Variants in EFCAB13 observed in about 807,000 individuals in gnomAD.
EFCAB13 encodes the protein EF-hand calcium binding domain 13.
EFCAB13 carries 91 observed loss-of-function variants against 110.2 expected under a neutral mutation model. The observed-to-expected ratio is 0.83, with a 90% CI of 0.70 to 0.98. The LOEUF is 0.98. Among genes scored for constraint, EFCAB13 ranks in the 50% least tolerant of loss-of-function variants. The pLI is 0.00. For synonymous variants in EFCAB13, 323 were observed against 369.9 expected (o/e 0.87, Z 1.45); for missense variants, 968 against 1,119.4 (o/e 0.86, Z 1.93).
At chr17:47,370,822 A>G (rs1598737665) in intron 11 of EFCAB13, among the ~76,000 whole-genome samples, 1 of 149,254 alleles carries the variant, frequency 6.7e-6, no homozygotes, top group Non-Finnish European at 1.5e-5. Flanking sequence ...GCTCACTGCA[A>G]CCTCTGCCTC....
chr17:47,409,500 G>C, intron 20 of EFCAB13, 147 bp from the exon 21 acceptor site: 1 of 647,998 alleles, frequency 1.5e-6, no homozygotes. Flanking sequence ...GGGAGCCAGG[G>C]AACAACTTTT....
chr17:47,419,772 G>A (rs969829527), intron 23 of EFCAB13, among the ~76,000 whole-genome samples: 1 of 152,112 alleles, frequency 6.6e-6, no homozygotes, highest in African/African-American at 2.4e-5. Context: ...GAATGCCAGA[G>A]ATAATGGAAT....
chr17:47,417,481 A>G (rs1278129272), intron 23 of EFCAB13, among the ~76,000 whole-genome samples: 2 of 152,188 alleles, frequency 1.3e-5, no homozygotes, highest in African/African-American at 2.4e-5. Flanking sequence ...GTCATGAATA[A>G]TTGGAACTCT....
rs1331356013 is a variant in EFCAB13, at chr17:47,332,204, C to T, written c.31-2992C>T. ...CCATCAGCAATGATGAGAGTTCTTG[C>T]TTCACATCCTTGCCAGCATTTGTTG... On this transcript the variant is annotated intron_variant, in intron 4 of 24. Transcript: ENST00000331493. 2.0e-5 allele frequency among the ~76,000 whole-genome samples: 3 copies of T among 152,208 alleles called. No individual in the cohort carries two copies. The East Asian group carries it at 5.8e-4, about 29-fold the overall frequency.
In EFCAB13 at chr17:47,434,774, A is replaced by C. The variant is rs568374686; in HGVS notation, c.2638+4813A>C. The stretch of plus-strand genomic sequence containing the variant: ...AACTGATCTTCGACAAAACAAACAA[A>C]AGCATGAAGTAGAGAAAGGACATCC... On this transcript the variant is annotated intron_variant, in intron 24 of 24. Coordinates refer to ENST00000331493, the MANE Select transcript of EFCAB13 (RefSeq NM_152347.5). 3.3e-5 allele frequency among the ~76,000 whole-genome samples: 5 copies of C among 152,264 alleles called. No homozygotes were observed. In the South Asian group the frequency reaches 1.0e-3, roughly 32 times the overall value.
chr17:47,375,237 C>T (rs1401668340), intron 12 of EFCAB13, among the ~76,000 whole-genome samples: 2 of 152,072 alleles, frequency 1.3e-5, no homozygotes, highest in Non-Finnish European at 2.9e-5. Context: ...TGGAAATGTA[C>T]AGTAGTGATG....
At chr17:47,327,600 G>A (rs867038105) in intron 3 of EFCAB13, among the ~76,000 whole-genome samples, 3 of 152,140 alleles carry the variant, frequency 2.0e-5, no homozygotes, top group Admixed American at 6.5e-5. Context: ...GATTATAGGC[G>A]CATGCCACCA....
intron 24 of EFCAB13, 190 bp downstream of exon 24, chr17:47,430,151 A>C: frequency 8.2e-7 from 1 of 1,223,308 alleles, no homozygotes; most frequent in Non-Finnish European, 1.0e-6. Context: ...TGGGGAAGTC[A>C]GAGCTCATCT....
chr17:47,330,297 A>G (rs780602215), intron 4 of EFCAB13, among the ~76,000 whole-genome samples: 78 of 151,556 alleles, frequency 5.1e-4, no homozygotes, highest in Non-Finnish European at 8.5e-4. Flanking sequence ...GTAGAGAAAG[A>G]TATTTATTTA....
chr17:47,404,167 GA>G (rs1184903960), intron 19 of EFCAB13, 146 bp downstream of exon 19: 1 of 685,060 alleles, frequency 1.5e-6, no homozygotes, highest in Non-Finnish European at 2.3e-6. Context: ...GCAGTTATGA[GA>G]ATACTTCTAT....
intron 14 of EFCAB13, among the ~76,000 whole-genome samples, chr17:47,391,119 T>G (rs1386968291): frequency 6.6e-6 from 1 of 152,108 alleles, no homozygotes; most frequent in Non-Finnish European, 1.5e-5. Flanking sequence ...TTTTATTTTT[T>G]TGTGGAGACA....
In EFCAB13 at chr17:47,358,925, A is replaced by G. The variant is rs996816454; in HGVS notation, c.662-2453A>G. On this transcript the variant is annotated intron_variant, in intron 9 of 24. Coordinates refer to ENST00000331493, the MANE Select transcript of EFCAB13 (RefSeq NM_152347.5). Reference sequence around the variant, plus strand: ...AGCTGCAAGCCTTTGGCTTATTTTCAGAGTTTTGAAACAAGTTGGTTCTGA... The same window carrying G: ...AGCTGCAAGCCTTTGGCTTATTTTCGGAGTTTTGAAACAAGTTGGTTCTGA... 3.3e-5 allele frequency among the ~76,000 whole-genome samples: 5 copies of G among 152,204 alleles called. No individual in the cohort carries two copies. The East Asian group carries it at 9.6e-4, about 29-fold the overall frequency.
Position 47,440,962 on chromosome 17 carries a change from G to T in EFCAB13, c.*248G>T. 3.6e-6 allele frequency: 1 copy of T among 278,402 alleles called. No homozygotes were observed. The allele number at this position is 278,402 out of a possible 1,614,324, so 17.2% of individuals were successfully genotyped here. The stretch of plus-strand genomic sequence containing the variant: ...ACTCTTTTTAGGTATACAGTTCTTT[G>T]GATTCTTAAAAATAATGTAATGTAA... On this transcript the variant is annotated 3_prime_UTR_variant, in exon 25 of 25. Coordinates refer to ENST00000331493, the MANE Select transcript of EFCAB13 (RefSeq NM_152347.5).
At chr17:47,390,159 T>A (rs2065698245) in intron 14 of EFCAB13, among the ~76,000 whole-genome samples, 1 of 152,172 alleles carries the variant, frequency 6.6e-6, no homozygotes, top group Non-Finnish European at 1.5e-5. Context: ...AGAAAACCTA[T>A]TTAATTTGTT....
At chr17:47,401,092 G>A (rs2143442345) in intron 17 of EFCAB13, among the ~76,000 whole-genome samples, 1 of 151,936 alleles carries the variant, frequency 6.6e-6, no homozygotes, top group South Asian at 2.1e-4. Context: ...TCTACTAAAT[G>A]ACAGAAGCAG....
Position 47,431,670 on chromosome 17 carries a change from G to A in EFCAB13, c.2638+1709G>A, listed in dbSNP as rs1905118052. 6.6e-6 allele frequency among the ~76,000 whole-genome samples: 1 copy of A among 152,044 alleles called. No homozygotes were observed. The highest frequency in any genetic ancestry group is 2.4e-5 in the African/African-American group (1 of 41,398). ...TTTTAGTCTTTTGAAGTTTGTTGAG[G>A]CTTGATTTATTGACTATGATAATTT... On this transcript the variant is annotated intron_variant, in intron 24 of 24. Transcript: ENST00000331493. The surrounding 1 kb of genome is among the most constrained non-coding windows in gnomAD (Gnocchi z 4.1).
At chr17:47,375,100 T>A in intron 12 of EFCAB13, 134 bp downstream of exon 12, 1 of 1,086,254 alleles carries the variant, frequency 9.2e-7, no homozygotes, top group Non-Finnish European at 1.2e-6. Flanking sequence ...TTTTAATTTT[T>A]AAATTATTTA....
intron 14 of EFCAB13, among the ~76,000 whole-genome samples, chr17:47,381,595 T>C (rs2065647528): frequency 6.6e-6 from 1 of 152,236 alleles, no homozygotes; most frequent in East Asian, 1.9e-4. Context: ...CCCAACACCA[T>C]TTATTAAATA....
chr17:47,399,075 A>G (rs573620262), intron 17 of EFCAB13, among the ~76,000 whole-genome samples: 1 of 152,166 alleles, frequency 6.6e-6, no homozygotes, highest in East Asian at 1.9e-4. Flanking sequence ...GGTGCACAGC[A>G]CTGTGCCTGG....
Sources: gnomAD v4.1 joint callset for allele counts (sites outside exome capture counted in the v4.1 genomes callset) on GRCh38, gnomAD v4.1.1 for gene constraint, Gnocchi (gnomAD v3.1) non-coding constraint, MANE v1.5 for transcripts, NCBI Gene and HGNC (gene_info 2026-07-23, HGNC 2026-07-21) for gene names.